ZNF385D: variants seen among roughly 807,000 people sequenced by gnomAD.
The protein encoded by ZNF385D is zinc finger protein 659.
Under a neutral mutation model 35.8 loss-of-function variants are expected in ZNF385D, and 15 were observed. The ratio of observed to expected loss-of-function variants is 0.42; its 90% CI spans 0.28 to 0.64. The LOEUF is 0.64. ZNF385D is among the 30% of genes least tolerant of loss of function. The pLI is 0.23. For missense variants in ZNF385D, 474 were observed against 494.6 expected (o/e 0.96, Z 0.39); for synonymous variants, 212 against 186.8 (o/e 1.13, Z -1.10).
chr3:21,813,488 A>C (rs978781970), intron 3 of ZNF385D, among the ~76,000 whole-genome samples: 5 of 152,212 alleles, frequency 3.3e-5, no homozygotes, highest in Non-Finnish European at 7.3e-5. Flanking sequence ...TAGAATCAAC[A>C]GTGTACAGAA....
chr3:21,989,480 A>G (rs1023995277), intron 3 of ZNF385D, among the ~76,000 whole-genome samples: 4 of 152,194 alleles, frequency 2.6e-5, no homozygotes, highest in Admixed American at 2.6e-4. Flanking sequence ...TAGACATGTA[A>G]AAGACAATTA....
chr3:22,105,897 AGTT>A (rs1702185644), intron 3 of ZNF385D, among the ~76,000 whole-genome samples: 2 of 151,734 alleles, frequency 1.3e-5, no homozygotes, highest in African/African-American at 4.8e-5. Flanking sequence ...TTAATATAGT[AGTT>A]ATTTTTAAAT....
intron 1 of ZNF385D, among the ~76,000 whole-genome samples, chr3:21,669,615 A>T (rs2066501483): frequency 6.6e-6 from 1 of 152,196 alleles, no homozygotes; most frequent in Admixed American, 6.5e-5. Context: ...ATACAGATAA[A>T]TAGGAACTCT....
At chr3:22,030,914 C>T (rs942958377) in intron 3 of ZNF385D, among the ~76,000 whole-genome samples, 1 of 152,180 alleles carries the variant, frequency 6.6e-6, no homozygotes, top group African/African-American at 2.4e-5. Context: ...AGTAAAAGTT[C>T]CCATTCCAAA....
intron 3 of ZNF385D, among the ~76,000 whole-genome samples, chr3:21,980,780 T>A (rs574897470): frequency 6.6e-6 from 1 of 152,166 alleles, no homozygotes; most frequent in African/African-American, 2.4e-5. Context: ...TAAGTTCTTA[T>A]CATTTGGCTC....
chr3:22,122,399 G>A (rs575758581), intron 3 of ZNF385D, among the ~76,000 whole-genome samples: 1 of 151,990 alleles, frequency 6.6e-6, no homozygotes, highest in Admixed American at 6.6e-5. Flanking sequence ...CCCAATAATA[G>A]TATTTTCTCA....
chr3:22,202,105 C>G (rs982553979), intron 2 of ZNF385D, among the ~76,000 whole-genome samples: 10 of 152,068 alleles, frequency 6.6e-5, no homozygotes, highest in African/African-American at 2.4e-4. Context: ...ATTTGCCTTT[C>G]TTTAGTTCAA....
At chr3:22,085,389 G>A (rs762464478) in intron 3 of ZNF385D, among the ~76,000 whole-genome samples, 1 of 151,934 alleles carries the variant, frequency 6.6e-6, no homozygotes, top group Admixed American at 6.6e-5. Context: ...ACTGATAAAG[G>A]CGATATCACC....
At chr3:21,488,485 G>C (rs1025712032) in intron 4 of ZNF385D, among the ~76,000 whole-genome samples, 3 of 152,022 alleles carry the variant, frequency 2.0e-5, no homozygotes, top group African/African-American at 7.2e-5. Flanking sequence ...AAGCATGCCA[G>C]TTCCACCAGA....
At chr3:21,980,486 T>A (rs182681423) in intron 3 of ZNF385D, among the ~76,000 whole-genome samples, 1 of 152,200 alleles carries the variant, frequency 6.6e-6, no homozygotes, top group Non-Finnish European at 1.5e-5. Flanking sequence ...TATGAACTTA[T>A]AAAACACAAC....
intron 3 of ZNF385D, among the ~76,000 whole-genome samples, chr3:22,144,188 A>G (rs1189930046): frequency 6.6e-6 from 1 of 152,250 alleles, no homozygotes; most frequent in African/African-American, 2.4e-5. Flanking sequence ...TTTACAAAAA[A>G]TAACTACAGA....
chr3:21,710,964 C>T (rs2068077175), intron 1 of ZNF385D, among the ~76,000 whole-genome samples: 1 of 151,166 alleles, frequency 6.6e-6, no homozygotes, highest in Admixed American at 6.6e-5. Context: ...ATTCCTTCCT[C>T]TATCATAGCG....
intron 3 of ZNF385D, among the ~76,000 whole-genome samples, chr3:21,907,273 A>G (rs1326287148): frequency 6.6e-6 from 1 of 152,162 alleles, no homozygotes; most frequent in Admixed American, 6.6e-5. Context: ...AATTATAACT[A>G]TCATCCAGAG....
rs75443291 is a variant in ZNF385D at position 21,947,257 on chromosome 3, T to A, written c.325+221560A>T. On this transcript the variant is annotated intron_variant, in intron 3 of 5. Transcript: ENST00000494108. ...ACGATTTAAATATATTTTGAGTTGC[T>A]TATATATAAATATTGGCAAATTTAT... Among the ~76,000 whole-genome samples, 100 of 152,316 alleles carry A rather than the reference T, an allele frequency of 6.6e-4. 2 individuals are homozygous for A. In the East Asian group the frequency reaches 0.018, roughly 28 times the overall value.
intron 2 of ZNF385D, among the ~76,000 whole-genome samples, chr3:22,254,942 A>C (rs1393113816): frequency 1.3e-5 from 2 of 151,866 alleles, no homozygotes. Context: ...ATAGTATAGA[A>C]AAGCTGAACT....
intron 2 of ZNF385D, among the ~76,000 whole-genome samples, chr3:21,630,520 AT>A (rs1169245075): frequency 6.6e-6 from 1 of 152,024 alleles, no homozygotes; most frequent in East Asian, 1.9e-4. Flanking sequence ...TACCACCTTT[AT>A]TTTCAAAATC....
intron 3 of ZNF385D, among the ~76,000 whole-genome samples, chr3:21,817,978 C>G (rs1321107430): frequency 1.3e-5 from 2 of 152,168 alleles, no homozygotes; most frequent in Non-Finnish European, 2.9e-5. Context: ...CACATATACA[C>G]CATGGAATTC....
At chr3:21,956,580 G>A (rs1702301562) in intron 3 of ZNF385D, among the ~76,000 whole-genome samples, 1 of 151,878 alleles carries the variant, frequency 6.6e-6, no homozygotes, top group African/African-American at 2.4e-5. Context: ...CCAACAGAGT[G>A]ACATATTTAA....
At chr3:21,865,780 C>T (rs187757143) in intron 3 of ZNF385D, among the ~76,000 whole-genome samples, 37 of 152,168 alleles carry the variant, frequency 2.4e-4, no homozygotes, top group African/African-American at 8.7e-4. Context: ...GAAATTCAAG[C>T]ACCAGTAATT....
Sources: allele counts gnomAD v4.1 joint callset (sites outside exome capture counted in the v4.1 genomes callset), GRCh38; gene constraint gnomAD v4.1.1; transcripts MANE v1.5; gene names NCBI Gene and HGNC (gene_info 2026-07-23, HGNC 2026-07-21).